CYREN: variants seen among roughly 807,000 people sequenced by gnomAD.
CYREN encodes cell cycle regulator of non-homologous end joining.
A neutral mutation model predicts 9.7 loss-of-function variants in CYREN; 7 were observed. That is an observed-to-expected ratio of 0.72 (90% CI 0.41 to 1.36). The LOEUF (loss-of-function observed/expected upper bound fraction) is 1.36, where lower values mean the gene tolerates loss of function less well. Among genes scored for constraint, CYREN ranks in the 40% most tolerant of loss-of-function variants. CYREN has a pLI of 0.01. For missense variants in CYREN, 215 were observed against 198.1 expected, an observed-to-expected ratio of 1.09 and a Z score of -0.51; for synonymous variants, 76 against 77.9, an observed-to-expected ratio of 0.98 and a Z score of 0.13.
At chr7:135,144,324 C>T (rs1050143718) in intron 2 of CYREN, among the ~76,000 whole-genome samples, 1 of 152,140 alleles carries the variant, frequency 6.6e-6, no homozygotes, top group African/African-American at 2.4e-5. Flanking sequence ...ACCCCAGGTC[C>T]AGAGCAGTGG....
At chr7:135,148,431 T>A (rs1376487817) in intron 2 of CYREN, among the ~76,000 whole-genome samples, 1 of 152,368 alleles carries the variant, frequency 6.6e-6, no homozygotes, top group East Asian at 1.9e-4. Flanking sequence ...GTCTGTATAA[T>A]CTACATAATC....
chr7:135,122,321 G>T (rs1357042283), intron 2 of CYREN, among the ~76,000 whole-genome samples: 1 of 152,186 alleles, frequency 6.6e-6, no homozygotes, highest in African/African-American at 2.4e-5. Context: ...CTTCCTCATT[G>T]GGTGGGGCTT....
chr7:135,106,403 A>T (rs1029535029), intron 2 of CYREN, among the ~76,000 whole-genome samples: 2 of 152,156 alleles, frequency 1.3e-5, no homozygotes, highest in Admixed American at 6.5e-5. Flanking sequence ...ATACTAGTTT[A>T]TTGAGAGTTT....
At chr7:135,134,782 T>G in intron 2 of CYREN, 1 of 1,401,474 alleles carries the variant, frequency 7.1e-7, no homozygotes, top group Non-Finnish European at 9.7e-7. Flanking sequence ...ACAACATACC[T>G]AGGACTACAA....
chr7:135,112,029 T>C (rs770659393), intron 2 of CYREN, among the ~76,000 whole-genome samples: 3 of 152,166 alleles, frequency 2.0e-5, no homozygotes, highest in Non-Finnish European at 2.9e-5. Context: ...CATCCAGTTA[T>C]CTAAGTAATA....
intron 2 of CYREN, among the ~76,000 whole-genome samples, chr7:135,156,636 A>C (rs1329589681): frequency 6.6e-6 from 1 of 152,084 alleles, no homozygotes; most frequent in South Asian, 2.1e-4. Flanking sequence ...TCTTTGTATT[A>C]GTTTTCAGAT....
intron 2 of CYREN, among the ~76,000 whole-genome samples, chr7:135,159,109 T>C (rs1829865478): frequency 1.3e-5 from 2 of 152,212 alleles, no homozygotes; most frequent in South Asian, 4.1e-4. Flanking sequence ...CGACTCTCAG[T>C]CGGTTCCCAG....
At position 135,096,438 on chromosome 7, in the gene CYREN, A is replaced by G. The variant is rs1021896915; in HGVS notation, n.357-1856T>C. ...AGGAAAGAAAGAAAGAAAGAGATAT[A>G]TATGGCTATTCTTTTAATGACTCGT... On this transcript the variant is annotated intron_variant and non_coding_transcript_variant, in intron 2 of 2. Coordinates refer to the CYREN transcript ENST00000459937. Among the ~76,000 whole-genome samples the G allele has an allele frequency of 2.0e-5, 3 of 151,872 alleles. No homozygotes were observed. The East Asian group carries it at 5.8e-4, about 29-fold the overall frequency.
At chr7:135,140,293 T>C (rs772547208) in intron 2 of CYREN, among the ~76,000 whole-genome samples, 19 of 152,140 alleles carry the variant, frequency 1.2e-4, no homozygotes, top group Non-Finnish European at 2.4e-4. Context: ...TGGTTAGTTG[T>C]ATTCGTAGGT....
exon 3 of CYREN, chr7:135,094,215 C>G (rs1013961978): frequency 7.8e-5 from 28 of 360,088 alleles, no homozygotes; most frequent in African/African-American, 4.7e-4. Context: ...ATGAATAATG[C>G]TTGAAAGTCA....
intron 3 of CYREN, 134 bp from the exon 4 acceptor site, chr7:135,167,005 C>A: frequency 2.7e-6 from 4 of 1,482,158 alleles, no homozygotes; most frequent in Non-Finnish European, 3.6e-6. Flanking sequence ...GTACCCATAT[C>A]CTGAGCACCC....
intron 2 of CYREN, among the ~76,000 whole-genome samples, chr7:135,147,403 T>A (rs538695572): frequency 1.3e-5 from 2 of 152,114 alleles, no homozygotes; most frequent in Admixed American, 1.3e-4. Flanking sequence ...GCAATAGCAC[T>A]AGGTAGCAGT....
intron 2 of CYREN, among the ~76,000 whole-genome samples, chr7:135,097,268 T>C (rs1823046277): frequency 6.6e-6 from 1 of 152,196 alleles, no homozygotes; most frequent in South Asian, 2.1e-4. Context: ...GAGCTCATTT[T>C]GTCAGATCTT....
upstream of CYREN, chr7:135,170,881 G>C (rs292508): frequency 0.93 from 141,788 of 152,354 alleles, 66,771 homozygotes; most frequent in Non-Finnish European, 1. Context: ...GCTGGCAGTG[G>C]TAATGCCGCC....
exon 3 of CYREN, chr7:135,092,609 A>G (rs1172633675): frequency 6.6e-6 from 1 of 152,208 alleles, no homozygotes; most frequent in African/African-American, 2.4e-5. Context: ...ACATAGTAAT[A>G]TGAAACAAAT....
intron 2 of CYREN, among the ~76,000 whole-genome samples, chr7:135,101,472 A>C (rs1224503494): frequency 6.6e-6 from 1 of 152,162 alleles, no homozygotes; most frequent in African/African-American, 2.4e-5. Context: ...ATATAGAAGG[A>C]AATTATTTCA....
intron 2 of CYREN, among the ~76,000 whole-genome samples, chr7:135,143,872 G>A (rs1829496648): frequency 6.6e-6 from 1 of 152,112 alleles, no homozygotes; most frequent in African/African-American, 2.4e-5. Context: ...AGAAAAGTGA[G>A]GGTCTCTGGT....
At chr7:135,128,989 T>G (rs1245517831) in intron 2 of CYREN, 5 of 1,593,772 alleles carry the variant, frequency 3.1e-6, no homozygotes, top group South Asian at 1.1e-5. Flanking sequence ...TGCAGGCATG[T>G]GTACTGCAAA....
intron 2 of CYREN, among the ~76,000 whole-genome samples, chr7:135,108,900 T>C (rs1825183962): frequency 6.6e-6 from 1 of 152,220 alleles, no homozygotes; most frequent in South Asian, 2.1e-4. Flanking sequence ...TAGTTCTCTT[T>C]ATTTTTATCT....
Sources: gnomAD v4.1 joint callset for allele counts (sites outside exome capture counted in the v4.1 genomes callset) on GRCh38, gnomAD v4.1.1 for gene constraint, MANE v1.5 for transcripts, NCBI Gene and HGNC (gene_info 2026-07-23, HGNC 2026-07-21) for gene names.